The following AK3 variants were observed in gnomAD, a reference collection of about 807,000 sequenced individuals.
AK3 encodes the protein GTP:AMP phosphotransferase AK3, mitochondrial.
In AK3, 27 loss-of-function variants were observed where a neutral mutation model predicts 23.7. The ratio of observed to expected loss-of-function variants is 1.14; its 90% CI spans 0.84 to 1.57. AK3 has a LOEUF of 1.57. Ranked by LOEUF, AK3 falls within the 40% of genes most tolerant of loss-of-function variation. The pLI, the probability that AK3 is intolerant of heterozygous loss-of-function variation, is 0.00. For missense variants in AK3, 406 were observed against 285.6 expected (o/e 1.42, Z -3.04); for synonymous variants, 159 against 116.0 (o/e 1.37, Z -2.38).
chr9:4,739,601 A>G lies in AK3; in HGVS notation c.151+1336T>C, dbSNP rs187603869. On this transcript the variant is annotated intron_variant, in intron 1 of 4. Transcript: ENST00000381809. The stretch of plus-strand genomic sequence containing the variant: ...AAGTGAAACCACACTAGTGCAGAGT[A>G]TATACACATAGTATGCTCACATATT... 9.2e-5 allele frequency among the ~76,000 whole-genome samples: 14 copies of G among 152,116 alleles called. No homozygotes were observed. The East Asian group carries it at 2.7e-3, about 29-fold the overall frequency.
rs1209318299 is a variant in AK3 at position 4,712,638 on chromosome 9, A to T, written c.*338T>A. 1 of 159,336 alleles carries T rather than the reference A, an allele frequency of 6.3e-6. No homozygotes were observed. The highest frequency in any genetic ancestry group is 2.4e-5 in the African/African-American group (1 of 41,694). 9.9% of individuals were successfully genotyped at this position (159,336 alleles called of 1,614,324 possible). The stretch of plus-strand genomic sequence containing the variant: ...TAACTTTTTTTAACTTTTCCAGAAA[A>T]ATATGGAAACTTTATCAACCACTTA... On this transcript the variant is annotated 3_prime_UTR_variant, in exon 5 of 5. Transcript: ENST00000381809.
intron 1 of AK3, among the ~76,000 whole-genome samples, chr9:4,738,739 C>G (rs1449600002): frequency 9.2e-6 from 1 of 108,420 alleles, no homozygotes; most frequent in Non-Finnish European, 2.0e-5. Flanking sequence ...TAGTTTCCTT[C>G]TTTTATAATA....
rs575849424 is a variant in AK3, at chr9:4,741,140, G to C, written c.-53C>G. The C allele has an allele frequency of 1.0e-5, 14 of 1,382,738 alleles. No individual in the cohort carries two copies. The South Asian group carries it at 1.7e-4, about 16-fold the overall frequency. 85.7% of individuals were successfully genotyped at this position (1,382,738 alleles called of 1,614,324 possible). A position where few individuals can be genotyped will look rare whatever the true frequency, so the allele number is the denominator to read the frequency against. On this transcript the variant is annotated 5_prime_UTR_variant, in exon 1 of 5. Transcript: ENST00000381809. Reference sequence around the variant, plus strand: ...GGGTACCAGGGCTTTGGCCTGGCCTGCGCGCTCACCCGCTCGGCAGCCTGC... The same window carrying C: ...GGGTACCAGGGCTTTGGCCTGGCCTCCGCGCTCACCCGCTCGGCAGCCTGC...
chr9:4,740,848 A>G, intron 1 of AK3, 89 bp downstream of exon 1: 1 of 1,333,210 alleles, frequency 7.5e-7, no homozygotes, highest in Non-Finnish European at 9.8e-7. Flanking sequence ...GCCCGCAGCC[A>G]GGGACCCGCG....
intron 4 of AK3, among the ~76,000 whole-genome samples, chr9:4,716,916 G>A (rs1841751948): frequency 6.6e-6 from 1 of 152,200 alleles, no homozygotes; most frequent in African/African-American, 2.4e-5. Context: ...GGGTGACAGA[G>A]TGAGACCCTG....
chr9:4,724,499 C>T (rs1229049843), intron 1 of AK3, among the ~76,000 whole-genome samples: 1 of 152,010 alleles, frequency 6.6e-6, no homozygotes. Context: ...AGATTCTAGC[C>T]AAGGCAATTA....
At chr9:4,733,577 T>G in intron 1 of AK3, among the ~76,000 whole-genome samples, 1 of 152,282 alleles carries the variant, frequency 6.6e-6, no homozygotes, top group Non-Finnish European at 1.5e-5. Context: ...TTGACCATTG[T>G]TCCTCCCGCT....
In AK3 at chr9:4,714,170, A is replaced by ACATATACACACCTC. The variant is rs1369736719; in HGVS notation, c.564-1075_564-1074insGAGGTGTGTATATG. On this transcript the variant is annotated intron_variant, in intron 4 of 4. Coordinates refer to ENST00000381809, the MANE Select transcript of AK3 (RefSeq NM_016282.4). The stretch of plus-strand genomic sequence containing the variant: ...CACACCTCCACATACACACACCTCC[A>ACATATACACACCTC]CACATACGCCTCCACATACACACAC... Among the ~76,000 whole-genome samples, 29 of 117,862 alleles carry ACATATACACACCTC rather than the reference A, an allele frequency of 2.5e-4. 2 individuals are homozygous for ACATATACACACCTC. Among genetic ancestry groups the ACATATACACACCTC allele is most frequent in the African/African-American group, 5.7e-4 (17 of 29,960 alleles). The allele number at this position is 117,862 out of a possible 152,430, so 77.3% of individuals were successfully genotyped here. A position where few individuals can be genotyped will look rare whatever the true frequency, so the allele number is the denominator to read the frequency against.
intron 1 of AK3, among the ~76,000 whole-genome samples, chr9:4,725,113 T>C (rs1841993796): frequency 7.0e-6 from 1 of 142,848 alleles, no homozygotes; most frequent in Non-Finnish European, 1.5e-5. Context: ...ACCTCCCCCC[T>C]CCCAGGTTCA....
intron 1 of AK3, among the ~76,000 whole-genome samples, chr9:4,726,816 A>G (rs545886541): frequency 6.1e-4 from 93 of 151,808 alleles, no homozygotes; most frequent in African/African-American, 2.2e-3. Flanking sequence ...AGGAATCACT[A>G]TCTATATAGC....
Position 4,727,157 on chromosome 9 carries a change from C to T in AK3, c.152-4532G>A, listed in dbSNP as rs181484476. ...GGTAGATTTAGATAATTCTCAAGAC[C>T]CTCGGATTTTTGGAATGGTAAATGA... is the stretch of plus-strand genomic sequence containing the variant. On this transcript the variant is annotated intron_variant, in intron 1 of 4. Coordinates refer to ENST00000381809, the MANE Select transcript of AK3 (RefSeq NM_016282.4). Among the ~76,000 whole-genome samples the T allele has an allele frequency of 2.5e-3, 378 of 152,182 alleles. 1 individual carries two copies. Among genetic ancestry groups the T allele is most frequent in the Middle Eastern group, 0.014 (4 of 294 alleles).
In AK3 at chr9:4,740,974, G is replaced by A; in HGVS notation, c.114C>T (p.Ser38=). 1.3e-6 allele frequency: 2 copies of A among 1,586,562 alleles called. No homozygotes were observed. Among genetic ancestry groups the A allele is most frequent in the Non-Finnish European group, 1.7e-6 (2 of 1,168,738 alleles). Residue 38 remains serine, a synonymous_variant, in exon 1 of 5, where the codon AGC becomes AGT. Transcript: ENST00000381809. ...GCATGTTGTCCCGGAGCAGGTCCCC[G>A]CTGGAGAGGTGCTTCAGCTCGAAGT... is the stretch of plus-strand genomic sequence containing the variant. ...TTHFELKHLS[S]GDLLRDNMLR...
intron 1 of AK3, among the ~76,000 whole-genome samples, chr9:4,735,244 TAA>T (rs1842243366): frequency 4.7e-5 from 1 of 21,184 alleles, no homozygotes; most frequent in African/African-American, 3.3e-4. Flanking sequence ...TATACATATA[TAA>T]ATATATATAT....
chr9:4,733,549 T>C (rs1842202651), intron 1 of AK3, among the ~76,000 whole-genome samples: 1 of 152,196 alleles, frequency 6.6e-6, no homozygotes, highest in Non-Finnish European at 1.5e-5. Context: ...AGAATTATAT[T>C]AAAAATGAAA....
intron 1 of AK3, among the ~76,000 whole-genome samples, chr9:4,728,334 G>A (rs1410414643): frequency 6.6e-6 from 1 of 152,224 alleles, no homozygotes; most frequent in Non-Finnish European, 1.5e-5. Context: ...ACTTTGGGAG[G>A]CCGAGGCAGG....
chr9:4,725,432 A>C (rs1279711261), intron 1 of AK3, among the ~76,000 whole-genome samples: 1 of 152,116 alleles, frequency 6.6e-6, no homozygotes, highest in African/African-American at 2.4e-5. Context: ...GATACATTAG[A>C]CTTCATTAAA....
Position 4,710,454 on chromosome 9 carries a change from C to G in AK3, c.*2522G>C, listed in dbSNP as rs301491. 6.7e-6 allele frequency: 1 copy of G among 149,196 alleles called. No homozygotes were observed. The highest frequency in any genetic ancestry group is 6.7e-5 in the Admixed American group (1 of 14,970). The allele number at this position is 149,196 out of a possible 1,614,324, so 9.2% of individuals were successfully genotyped here. The stretch of plus-strand genomic sequence containing the variant: ...CAGGATGGTCTCGATCTCCTGACCT[C>G]GTGATCCGCCCGCCTCGGCCTCCCA... On this transcript the variant is annotated 3_prime_UTR_variant, in exon 5 of 5. Transcript: ENST00000381809.
rs889436642 is a variant in AK3, at chr9:4,710,032, A to G, written c.*2944T>C. 2.6e-5 allele frequency: 4 copies of G among 152,200 alleles called. No individual in the cohort carries two copies. The highest frequency in any genetic ancestry group is 9.7e-5 in the African/African-American group (4 of 41,450). The allele number at this position is 152,200 out of a possible 1,614,324, so 9.4% of individuals were successfully genotyped here. A position where few individuals can be genotyped will look rare whatever the true frequency, so the allele number is the denominator to read the frequency against. On this transcript the variant is annotated 3_prime_UTR_variant, in exon 5 of 5. Transcript: ENST00000381809. Reference sequence around the variant, plus strand: ...ATATATAGCTGGGGGAAAAGTAGCCATAGGGTGGGGTTTAGAGATTTGAGC... The same window carrying G: ...ATATATAGCTGGGGGAAAAGTAGCCGTAGGGTGGGGTTTAGAGATTTGAGC...
intron 1 of AK3, among the ~76,000 whole-genome samples, chr9:4,725,390 A>C (rs1842000632): frequency 6.6e-6 from 1 of 152,148 alleles, no homozygotes; most frequent in Non-Finnish European, 1.5e-5. Flanking sequence ...TAGATAAAAA[A>C]CCAAGAGCAC....
Sources: allele counts gnomAD v4.1 joint callset (sites outside exome capture counted in the v4.1 genomes callset), GRCh38; gene constraint gnomAD v4.1.1; transcripts MANE v1.5; gene names NCBI Gene and HGNC (gene_info 2026-07-23, HGNC 2026-07-21).